The following NLRC4 variants were observed in gnomAD, a reference collection of about 807,000 sequenced individuals.
NLRC4 encodes NLR family CARD domain-containing protein 4.
In NLRC4, 63 loss-of-function variants were observed where a neutral mutation model predicts 79.9. The ratio of observed to expected loss-of-function variants is 0.79; its 90% CI spans 0.64 to 0.97. NLRC4 has a LOEUF of 0.97. NLRC4 is among the 50% of genes least tolerant of loss of function. The pLI is 0.00. For missense variants in NLRC4, 1,074 were observed against 1,215.2 expected, an observed-to-expected ratio of 0.88 and a Z score of 1.73; for synonymous variants, 461 against 456.5, an observed-to-expected ratio of 1.01 and a Z score of -0.12.
chr2:32,259,754 C>A (rs1021891114), intron 1 of NLRC4, among the ~76,000 whole-genome samples: 1 of 152,156 alleles, frequency 6.6e-6, no homozygotes, highest in Admixed American at 6.6e-5. Context: ...AAGAAAATCA[C>A]TCTTCTGATT....
intron 5 of NLRC4, among the ~76,000 whole-genome samples, chr2:32,239,526 A>G (rs979293359): frequency 2.6e-5 from 4 of 152,292 alleles, no homozygotes; most frequent in East Asian, 1.9e-4. Flanking sequence ...AAGTTATTCA[A>G]TCTTTTAGCT....
chr2:32,260,154 A>C (rs1056061970), intron 1 of NLRC4, among the ~76,000 whole-genome samples: 4 of 140,918 alleles, frequency 2.8e-5, no homozygotes, highest in Non-Finnish European at 4.5e-5. Context: ...ACTTGAACCC[A>C]GGAAGCGGAG....
chr2:32,255,613 C>G (rs894174058), intron 2 of NLRC4, among the ~76,000 whole-genome samples: 1 of 151,820 alleles, frequency 6.6e-6, no homozygotes, highest in Non-Finnish European at 1.5e-5. Flanking sequence ...CTGAGACTAC[C>G]TTTCTTCACC....
At chr2:32,232,256 G>A (rs1686555238) in intron 8 of NLRC4, among the ~76,000 whole-genome samples, 1 of 152,110 alleles carries the variant, frequency 6.6e-6, no homozygotes, top group African/African-American at 2.4e-5. Context: ...GCCTTTTGCT[G>A]CATGCTACAA....
chr2:32,233,127 GGGGA>G (rs1210347299), intron 8 of NLRC4, among the ~76,000 whole-genome samples: 96 of 110,434 alleles, frequency 8.7e-4, no homozygotes, highest in African/African-American at 3.2e-3. Context: ...GAGAGGGGTG[GGGGA>G]GGGAGGAAGG....
rs759577738 is a variant in NLRC4 at position 32,235,563 on chromosome 2, T to TG, written c.2619dup (p.Arg874GlnfsTer18). 2 of 1,613,008 alleles carry TG rather than the reference T, an allele frequency of 1.2e-6. No homozygotes were observed. The highest frequency in any genetic ancestry group is 2.2e-5 in the South Asian group (2 of 91,016). On this transcript the variant is annotated frameshift_variant, in exon 8 of 9. Transcript: ENST00000402280. LOFTEE classifies it high-confidence loss of function. Reference sequence around the variant, plus strand: ...GTGAGCTGTTCTAGCACGTTCATCCTGTCGACTGGAAGAAACAAAGAGCAG... The same window carrying TG: ...GTGAGCTGTTCTAGCACGTTCATCCTGGTCGACTGGAAGAAACAAAGAGCAG...
At chr2:32,235,745 A>G (rs1424463899) in intron 7 of NLRC4, among the ~76,000 whole-genome samples, 177 bp from the exon 8 acceptor site, 1 of 129,034 alleles carries the variant, frequency 7.7e-6, no homozygotes, top group East Asian at 1.9e-4. Context: ...ATATACAAAC[A>G]TTATGCAGAA....
chr2:32,245,686 T>G (rs1437955691), intron 4 of NLRC4, among the ~76,000 whole-genome samples: 1 of 152,216 alleles, frequency 6.6e-6, no homozygotes, highest in East Asian at 1.9e-4. Flanking sequence ...CATGATGTGA[T>G]TATTACACAT....
chr2:32,253,878 C>T (rs1237131360), intron 2 of NLRC4, among the ~76,000 whole-genome samples: 3 of 149,798 alleles, frequency 2.0e-5, no homozygotes, highest in Non-Finnish European at 4.4e-5. Flanking sequence ...GCAGGAGAAT[C>T]GCTTGAACCT....
At chr2:32,254,073 A>C (rs1283465207) in intron 2 of NLRC4, among the ~76,000 whole-genome samples, 1 of 151,844 alleles carries the variant, frequency 6.6e-6, no homozygotes, top group Non-Finnish European at 1.5e-5. Flanking sequence ...CCCAAGGTAT[A>C]AATATTCCTA....
intron 4 of NLRC4, among the ~76,000 whole-genome samples, chr2:32,245,141 C>T (rs1187079892): frequency 6.6e-6 from 1 of 151,720 alleles, no homozygotes; most frequent in Non-Finnish European, 1.5e-5. Flanking sequence ...GAAACCCTGT[C>T]TCTATTAAAA....
chr2:32,255,512 C>T (rs1325336173), intron 2 of NLRC4, among the ~76,000 whole-genome samples: 1 of 117,420 alleles, frequency 8.5e-6, no homozygotes, highest in Non-Finnish European at 1.7e-5. Context: ...AAGAGCAAAA[C>T]TCCGTCTCAA....
Position 32,241,121 on chromosome 2 carries a change from A to G in NLRC4, c.2262T>C (p.Gly754=). The change falls in exon 5 of 9, where the codon GGT becomes GGC. Residue 754 remains glycine, a synonymous_variant. Transcript: ENST00000402280. ...HDLQNQRLPG[G]LTDSLGNLKN... is the part of the protein sequence containing the mutation. Reference sequence around the variant, plus strand: ...TCAAGTTACCCAAGCTGTCAGTCAGACCACCTGTCAAAAGAAAAAAGATTG... The same window carrying G: ...TCAAGTTACCCAAGCTGTCAGTCAGGCCACCTGTCAAAAGAAAAAAGATTG... 1 of 1,593,998 alleles carries G rather than the reference A, an allele frequency of 6.3e-7. No individual in the cohort carries two copies. The highest frequency in any genetic ancestry group is 8.6e-7 in the Non-Finnish European group (1 of 1,164,840).
In NLRC4 at chr2:32,252,695, G is replaced by T; in HGVS notation, c.2-16C>A. 1 of 1,604,754 alleles carries T rather than the reference G, an allele frequency of 6.2e-7. No individual in the cohort carries two copies. The highest frequency in any genetic ancestry group is 8.5e-7 in the Non-Finnish European group (1 of 1,172,242). On this transcript the variant is annotated splice_polypyrimidine_tract_variant and intron_variant, in intron 2 of 8. Coordinates refer to ENST00000402280, the MANE Select transcript of NLRC4 (RefSeq NM_001199138.2). ...ATGAAATTCACTGAGGAGATGGGGA[G>T]AAATATACATATTTATTTACTTATA... is the stretch of plus-strand genomic sequence containing the variant.
chr2:32,225,927 G>C (rs1412170545), intron 8 of NLRC4, among the ~76,000 whole-genome samples: 1 of 152,160 alleles, frequency 6.6e-6, no homozygotes, highest in Admixed American at 6.5e-5. Context: ...ATTAGATAAT[G>C]TTCCAGAAAC....
intron 8 of NLRC4, among the ~76,000 whole-genome samples, chr2:32,226,880 A>C (rs1686412264): frequency 6.7e-6 from 1 of 149,990 alleles, no homozygotes; most frequent in Admixed American, 6.7e-5. Context: ...CTCCATTTCA[A>C]AAAAAAAAAG....
intron 8 of NLRC4, among the ~76,000 whole-genome samples, chr2:32,230,444 C>T (rs558478891): frequency 4.0e-5 from 6 of 150,916 alleles, no homozygotes; most frequent in Non-Finnish European, 7.4e-5. Context: ...GGATTACAAA[C>T]GTGAGCCACT....
At chr2:32,252,923 C>A (rs1250570117) in intron 2 of NLRC4, among the ~76,000 whole-genome samples, 1 of 151,798 alleles carries the variant, frequency 6.6e-6, no homozygotes, top group Non-Finnish European at 1.5e-5. Flanking sequence ...GAGGCTGAGG[C>A]AGGAGAATGG....
intron 3 of NLRC4, among the ~76,000 whole-genome samples, chr2:32,251,834 T>C (rs1311976203): frequency 1.3e-5 from 2 of 152,136 alleles, no homozygotes; most frequent in East Asian, 1.9e-4. Context: ...CCAAATCTTA[T>C]AGCAGCTGGT....
Sources: gnomAD v4.1 joint callset for allele counts (sites outside exome capture counted in the v4.1 genomes callset) on GRCh38, gnomAD v4.1.1 for gene constraint, MANE v1.5 for transcripts, NCBI Gene and HGNC (gene_info 2026-07-23, HGNC 2026-07-21) for gene names.